Variants in C2CD3 observed in about 807,000 individuals in gnomAD.
C2CD3 encodes C2 domain-containing protein 3.
C2CD3 carries 148 observed loss-of-function variants against 234.0 expected under a neutral mutation model. That is an observed-to-expected ratio of 0.63 (90% confidence interval 0.55 to 0.72). C2CD3 has a LOEUF of 0.72. Among genes scored for constraint, C2CD3 ranks in the 30% least tolerant of loss-of-function variants. C2CD3 has a pLI of 0.00. For synonymous variants in C2CD3, 1,000 were observed against 1,035.4 expected (o/e 0.97, Z 0.66); for missense variants, 2,577 against 2,811.5 (o/e 0.92, Z 1.89).
chr11:74,049,350 G>A lies in C2CD3; in HGVS notation c.5348C>T (p.Thr1783Ile). The change falls in exon 27 of 33, where the codon ACC becomes ATC. Residue 1783 changes from threonine (T) to isoleucine (I), a missense_variant. Physicochemically the swap from Thr to Ile is moderately conservative, Grantham distance 89. Transcript: ENST00000334126. ...CTCCATACATACCAGTGATTTTGAG[G>A]TCTCCACTCCACGCCTTGCTTGCCT... ...EERQARRGVE[T>I]SKSLIPIYSP... 6.2e-7 allele frequency: 1 copy of A among 1,613,830 alleles called. No homozygotes were observed. Among genetic ancestry groups the A allele is most frequent in the South Asian group, 1.1e-5 (1 of 91,076 alleles).
intron 29 of C2CD3, among the ~76,000 whole-genome samples, chr11:74,039,751 C>T (rs1952930142): frequency 6.6e-6 from 1 of 152,240 alleles, no homozygotes; most frequent in South Asian, 2.1e-4. Flanking sequence ...GCTAAACAAC[C>T]TACAATGCGC....
intron 31 of C2CD3, 119 bp from the exon 32 acceptor site, chr11:74,028,517 G>A: frequency 1.5e-6 from 1 of 667,948 alleles, no homozygotes; most frequent in Non-Finnish European, 2.5e-6. Context: ...AACTATTCTT[G>A]TCCATAAATT....
At chr11:74,049,205 C>A (rs1953547720) in intron 27 of C2CD3, 132 bp downstream of exon 27, 3 of 712,534 alleles carry the variant, frequency 4.2e-6, no homozygotes, top group Non-Finnish European at 7.1e-6. Context: ...CCCAAAAGGT[C>A]AGGAGGTTGT....
chr11:74,090,497 G>A (rs1429191893), intron 20 of C2CD3, among the ~76,000 whole-genome samples: 2 of 152,200 alleles, frequency 1.3e-5, no homozygotes, highest in Non-Finnish European at 1.5e-5. Context: ...AAGGAATGAA[G>A]TGAGATTACA....
intron 26 of C2CD3, among the ~76,000 whole-genome samples, chr11:74,054,271 C>CAA (rs576353352): frequency 0.022 from 2,044 of 94,358 alleles, 35 homozygotes; most frequent in African/African-American, 0.046. Context: ...GATTCTGTCT[C>CAA]AAAAAAAAAA....
In C2CD3 at chr11:74,168,588, T is replaced by G. The variant is rs753823050; in HGVS notation, c.81A>C (p.Thr27=). ...KRGLSDISPS[T]SLPPLVEGQL... ...GGCCTTCAACCAGAGGTGGCAGGCT[T>G]GTAGATGGAGAAATGTCACTTAAAC... Residue 27 remains threonine, a synonymous_variant, in exon 2 of 33, where the codon ACA becomes ACC. Coordinates refer to ENST00000334126, the MANE Select transcript of C2CD3 (RefSeq NM_001286577.2). 1.2e-5 allele frequency: 20 copies of G among 1,614,016 alleles called. No individual in the cohort carries two copies. In the Admixed American group the frequency reaches 3.3e-4, roughly 27 times the overall value.
intron 30 of C2CD3, chr11:74,034,678 T>C (rs1952656479): frequency 7.9e-7 from 1 of 1,273,032 alleles, no homozygotes; most frequent in Non-Finnish European, 1.1e-6. Flanking sequence ...ACTACCTATT[T>C]TACTTCGAAA....
At chr11:74,051,514 G>C (rs1953689888) in intron 26 of C2CD3, among the ~76,000 whole-genome samples, 1 of 152,150 alleles carries the variant, frequency 6.6e-6, no homozygotes, top group East Asian at 1.9e-4. Flanking sequence ...GCTTGGAAGA[G>C]TTAAATTTAA....
intron 27 of C2CD3, among the ~76,000 whole-genome samples, chr11:74,048,956 C>A (rs1288273489): frequency 2.0e-5 from 3 of 152,210 alleles, no homozygotes; most frequent in Admixed American, 6.5e-5. Context: ...TTCCCCTCTT[C>A]ATATTCTTTC....
chr11:74,147,529 G>A (rs1855299854), intron 3 of C2CD3, among the ~76,000 whole-genome samples: 1 of 152,190 alleles, frequency 6.6e-6, no homozygotes, highest in Non-Finnish European at 1.5e-5. Flanking sequence ...GAGTTATGGT[G>A]CTAAAAAATG....
At chr11:74,077,161 T>C (rs1955074020) in intron 23 of C2CD3, among the ~76,000 whole-genome samples, 1 of 152,140 alleles carries the variant, frequency 6.6e-6, no homozygotes, top group Non-Finnish European at 1.5e-5. Context: ...AGAGGAAGAA[T>C]ACCCTGGTCC....
At chr11:74,019,926 A>C (rs1289869859) in intron 32 of C2CD3, among the ~76,000 whole-genome samples, 1 of 152,204 alleles carries the variant, frequency 6.6e-6, no homozygotes, top group Non-Finnish European at 1.5e-5. Context: ...TGGCACCTCG[A>C]TCCTTAGTGA....
intron 32 of C2CD3, among the ~76,000 whole-genome samples, chr11:74,020,883 T>C (rs1053923275): frequency 2.6e-5 from 4 of 152,210 alleles, no homozygotes; most frequent in African/African-American, 9.7e-5. Flanking sequence ...TGATGACTGA[T>C]TTAACGTCTT....
At chr11:74,077,858 T>A (rs1955143338) in intron 23 of C2CD3, among the ~76,000 whole-genome samples, 2 of 114,996 alleles carry the variant, frequency 1.7e-5, no homozygotes, top group Non-Finnish European at 3.6e-5. Flanking sequence ...ATCTCTTTAG[T>A]TACAAGAAGC....
At chr11:74,116,881 TACAC>T (rs533964894) in intron 9 of C2CD3, among the ~76,000 whole-genome samples, 1 of 130,788 alleles carries the variant, frequency 7.6e-6, no homozygotes, top group African/African-American at 2.8e-5. Context: ...TATGTATATA[TACAC>T]ACGTGTATAT....
chr11:74,124,471 C>T (rs955770493), intron 7 of C2CD3, among the ~76,000 whole-genome samples: 4 of 152,148 alleles, frequency 2.6e-5, no homozygotes, highest in African/African-American at 9.7e-5. Flanking sequence ...CATTTCAGAT[C>T]CCTGGCCTCC....
In C2CD3 at chr11:74,033,985, A is replaced by G; in HGVS notation, c.6175T>C (p.Tyr2059His). 6.5e-7 allele frequency: 1 copy of G among 1,536,428 alleles called. No homozygotes were observed. The highest frequency in any genetic ancestry group is 1.2e-5 in the South Asian group (1 of 84,062). Residue 2059 changes from tyrosine (Y) to histidine (H), a missense_variant, in exon 31 of 33, where the codon TAC becomes CAC. By Grantham distance (83) the Tyr-to-His change is moderately conservative (BLOSUM62 2). Coordinates refer to ENST00000334126, the MANE Select transcript of C2CD3 (RefSeq NM_001286577.2). ...TCTTCTTCATAGTCCTCATCACTGTAGGCTGGGCCTGCCTCAGTGTCTTCA... is the reference window on the plus strand; with the variant it reads ...TCTTCTTCATAGTCCTCATCACTGTGGGCTGGGCCTGCCTCAGTGTCTTCA... ...SSEDTEAGPAYSDEDYEEDII... is the reference protein window; with the variant it reads ...SSEDTEAGPAHSDEDYEEDII...
At chr11:74,076,195 G>A (rs1371674498) in intron 23 of C2CD3, among the ~76,000 whole-genome samples, 2 of 152,118 alleles carry the variant, frequency 1.3e-5, no homozygotes, top group East Asian at 3.9e-4. Flanking sequence ...AGAGCACATG[G>A]CATTTGATGT....
chr11:74,100,783 C>T (rs1956286791), intron 14 of C2CD3, 107 bp from the exon 15 acceptor site: 1 of 899,002 alleles, frequency 1.1e-6, no homozygotes, highest in African/African-American at 1.7e-5. Flanking sequence ...TGTTAACACA[C>T]AGTGTTATGA....
Sources: allele counts gnomAD v4.1 joint callset (sites outside exome capture counted in the v4.1 genomes callset), GRCh38; gene constraint gnomAD v4.1.1; transcripts MANE v1.5; gene names NCBI Gene and HGNC (gene_info 2026-07-23, HGNC 2026-07-21).